Variants in SPOCK3 observed in about 807,000 individuals in gnomAD.
The protein encoded by SPOCK3 is SPARC (osteonectin), cwcv and kazal like domains proteoglycan 3.
A neutral mutation model predicts 56.6 loss-of-function variants in SPOCK3; 30 were observed. That is an observed-to-expected ratio of 0.53 (90% CI 0.40 to 0.72). The LOEUF (loss-of-function observed/expected upper bound fraction) is 0.72. Ranked by LOEUF, SPOCK3 falls within the 30% of genes least tolerant of loss-of-function variation. SPOCK3 has a pLI of 0.00. For synonymous variants in SPOCK3, 196 were observed against 183.3 expected (o/e 1.07, Z -0.56); for missense variants, 527 against 530.0 (o/e 0.99, Z 0.06).
rs199920680 is a variant in SPOCK3, at chr4:166,904,314, CTTAA to C, written c.474+8302_474+8305del. Among the ~76,000 whole-genome samples, 1,199 of 151,946 alleles carry C rather than the reference CTTAA, an allele frequency of 7.9e-3. 34 individuals carry two copies. Among genetic ancestry groups the C allele is most frequent in the Middle Eastern group, 0.021 (6 of 292 alleles). On this transcript the variant is annotated intron_variant, in intron 5 of 10. Coordinates refer to ENST00000357545, the MANE Select transcript of SPOCK3 (RefSeq NM_001040159.2). ...ATGCATATAAAAATTAACGCATTAG[CTTAA>C]TTGAGTCATTCATTAATACATTAAT...
At chr4:166,788,942 G>T (rs1223537984) in intron 7 of SPOCK3, among the ~76,000 whole-genome samples, 1 of 149,512 alleles carries the variant, frequency 6.7e-6, no homozygotes, top group Admixed American at 6.7e-5. Flanking sequence ...TAATACTGAT[G>T]CAAACCCAAA....
At chr4:167,018,254 T>G (rs1158488887) in intron 3 of SPOCK3, among the ~76,000 whole-genome samples, 1 of 152,146 alleles carries the variant, frequency 6.6e-6, no homozygotes. Flanking sequence ...TCCTTGCACC[T>G]AATATTTCCT....
intron 3 of SPOCK3, among the ~76,000 whole-genome samples, chr4:167,014,694 G>C (rs1561121598): frequency 6.6e-6 from 1 of 151,830 alleles, no homozygotes; most frequent in Non-Finnish European, 1.5e-5. Context: ...TTTAAGTACA[G>C]ATATGTTTTC....
chr4:166,868,258 C>T (rs1406311449), intron 6 of SPOCK3, among the ~76,000 whole-genome samples: 1 of 145,858 alleles, frequency 6.9e-6, no homozygotes, highest in Non-Finnish European at 1.5e-5. Flanking sequence ...CCAGCCTGTG[C>T]AACATAGCAA....
chr4:166,962,838 C>T (rs114928820), intron 4 of SPOCK3, among the ~76,000 whole-genome samples: 2 of 152,124 alleles, frequency 1.3e-5, no homozygotes, highest in East Asian at 1.9e-4. Flanking sequence ...CCAGATGAAA[C>T]TTCATCAGAC....
At chr4:166,852,524 C>G (rs1258175691) in intron 6 of SPOCK3, among the ~76,000 whole-genome samples, 1 of 152,142 alleles carries the variant, frequency 6.6e-6, no homozygotes, top group East Asian at 1.9e-4. Flanking sequence ...CTGCCCTGCT[C>G]TACTGTGGTT....
At chr4:166,877,544 A>G (rs902768698) in intron 6 of SPOCK3, among the ~76,000 whole-genome samples, 12 of 152,192 alleles carry the variant, frequency 7.9e-5, no homozygotes, top group South Asian at 4.1e-4. Context: ...TAAATACTAG[A>G]TCTTTGGTAG....
chr4:166,830,811 C>A (rs760058312), intron 6 of SPOCK3, among the ~76,000 whole-genome samples: 2 of 151,972 alleles, frequency 1.3e-5, no homozygotes, highest in African/African-American at 4.8e-5. Flanking sequence ...AAAGTGTGAT[C>A]AACAAGGTAG....
chr4:166,877,495 T>C (rs1403442871), intron 6 of SPOCK3, among the ~76,000 whole-genome samples: 1 of 152,090 alleles, frequency 6.6e-6, no homozygotes, highest in Non-Finnish European at 1.5e-5. Context: ...TATAAACGTA[T>C]TATTAGGCAA....
chr4:166,880,202 A>T (rs1733545329), intron 6 of SPOCK3, among the ~76,000 whole-genome samples: 1 of 152,172 alleles, frequency 6.6e-6, no homozygotes, highest in East Asian at 1.9e-4. Context: ...GTTACTACTG[A>T]TATTCTAATA....
chr4:167,064,838 A>G (rs915220504), intron 2 of SPOCK3, among the ~76,000 whole-genome samples: 6 of 151,688 alleles, frequency 4.0e-5, no homozygotes, highest in African/African-American at 1.5e-4. Flanking sequence ...AATGTGTAAA[A>G]TGCCAGCACA....
chr4:166,891,879 T>G (rs977652975), intron 5 of SPOCK3, among the ~76,000 whole-genome samples: 2 of 152,016 alleles, frequency 1.3e-5, no homozygotes, highest in Non-Finnish European at 2.9e-5. Context: ...TAATTATAGC[T>G]AATATTACAT....
chr4:167,010,964 T>C (rs749435091), intron 3 of SPOCK3, among the ~76,000 whole-genome samples: 6 of 152,084 alleles, frequency 3.9e-5, no homozygotes, highest in Non-Finnish European at 7.4e-5. Context: ...TTCATCCAGT[T>C]TTGCTGGTGG....
intron 2 of SPOCK3, among the ~76,000 whole-genome samples, chr4:167,145,178 T>G (rs73861939): frequency 3.9e-5 from 6 of 152,018 alleles, no homozygotes; most frequent in African/African-American, 1.4e-4. Flanking sequence ...AAGAGTGAAG[T>G]CAAGGATTAT....
At chr4:167,198,167 T>C (rs1733148174) in intron 2 of SPOCK3, among the ~76,000 whole-genome samples, 2 of 152,140 alleles carry the variant, frequency 1.3e-5, no homozygotes, top group Non-Finnish European at 2.9e-5. Flanking sequence ...CTCTTGAAAA[T>C]AAGAATGTCA....
At chr4:167,088,191 T>C (rs78379534) in intron 2 of SPOCK3, among the ~76,000 whole-genome samples, 3,917 of 152,232 alleles carry the variant, frequency 0.026, 82 homozygotes, top group Middle Eastern at 0.062. Flanking sequence ...GGATTTCTGG[T>C]TACATAGAAA....
chr4:166,764,086 C>A (rs1038969331), intron 7 of SPOCK3, among the ~76,000 whole-genome samples: 2 of 152,052 alleles, frequency 1.3e-5, no homozygotes, highest in African/African-American at 4.8e-5. Flanking sequence ...TTCCACCTAG[C>A]CACCATCCAT....
At chr4:166,837,878 G>A (rs7356473) in intron 6 of SPOCK3, among the ~76,000 whole-genome samples, 1 of 151,838 alleles carries the variant, frequency 6.6e-6, no homozygotes, top group African/African-American at 2.4e-5. Context: ...AATTTTCTTA[G>A]GTTTCCTTCA....
At chr4:166,771,751 G>A (rs1250559446) in intron 7 of SPOCK3, among the ~76,000 whole-genome samples, 2 of 151,864 alleles carry the variant, frequency 1.3e-5, no homozygotes, top group African/African-American at 4.8e-5. Context: ...AAAAATTATT[G>A]GAAGTTTAAA....
Sources: gnomAD v4.1 joint callset for allele counts (sites outside exome capture counted in the v4.1 genomes callset) on GRCh38, gnomAD v4.1.1 for gene constraint, MANE v1.5 for transcripts, NCBI Gene and HGNC (gene_info 2026-07-23, HGNC 2026-07-21) for gene names.